The following STXBP5L variants were observed in gnomAD, a reference collection of about 807,000 sequenced individuals.
STXBP5L encodes syntaxin-binding protein 5-like.
Under a neutral mutation model 144.5 loss-of-function variants are expected in STXBP5L, and 65 were observed. The ratio of observed to expected loss-of-function variants is 0.45; its 90% confidence interval spans 0.37 to 0.55. The LOEUF (loss-of-function observed/expected upper bound fraction) is 0.55. Ranked by LOEUF, STXBP5L falls within the 20% of genes least tolerant of loss-of-function variation. The probability of loss-of-function intolerance (pLI) is 0.00; values close to 1 mark genes in which losing one functional copy is unlikely to be tolerated. For missense variants in STXBP5L, 1,298 were observed against 1,405.5 expected (o/e 0.92, Z 1.22); for synonymous variants, 505 against 469.6 (o/e 1.08, Z -0.97).
Position 121,121,643 on chromosome 3 carries a change from C to A in STXBP5L, c.608C>A (p.Ser203Tyr). The A allele has an allele frequency of 6.3e-7, 1 of 1,593,792 alleles. No individual in the cohort carries two copies. The highest frequency in any genetic ancestry group is 1.1e-5 in the South Asian group (1 of 88,572). The change falls in exon 7 of 27, where the codon TCC becomes TAC. Residue 203 changes from serine (S) to tyrosine (Y), a missense_variant and splice_region_variant. Coordinates refer to ENST00000471454, the MANE Select transcript of STXBP5L (RefSeq NM_001308330.2). ...ACTGTTTTGAATTGATTTAACAGAT[C>A]CACTAAGACTCATCCAGGTCCAGTT... ...VIMWNKAIEL[S>Y]TKTHPGPVVH...
chr3:121,353,921 G>C (rs184371056), intron 20 of STXBP5L, among the ~76,000 whole-genome samples: 5 of 152,132 alleles, frequency 3.3e-5, no homozygotes, highest in African/African-American at 9.7e-5. Flanking sequence ...CTTTATTTCT[G>C]CCTTCAATTC....
intron 10 of STXBP5L, among the ~76,000 whole-genome samples, chr3:121,216,796 G>T (rs754976396): frequency 2.6e-5 from 4 of 152,090 alleles, no homozygotes; most frequent in Non-Finnish European, 5.9e-5. Context: ...CCACCCCTCC[G>T]CCAGGTGCTC....
intron 20 of STXBP5L, among the ~76,000 whole-genome samples, chr3:121,363,883 T>C (rs951096087): frequency 1.3e-5 from 2 of 152,148 alleles, no homozygotes; most frequent in African/African-American, 4.8e-5. Flanking sequence ...TTGAGTAGTT[T>C]ATTTTGTTAT....
chr3:121,140,614 G>A (rs2045456561), intron 7 of STXBP5L, among the ~76,000 whole-genome samples: 1 of 152,078 alleles, frequency 6.6e-6, no homozygotes. Context: ...GAGGACCTAC[G>A]TTAAGGGAAA....
rs1404465501 is a variant in STXBP5L at position 121,339,394 on chromosome 3, G to T, written c.2176+20854G>T. ...CTTTTATAAAACCCTCAACAAATTA[G>T]ATATAGAAGGAACATATCTCAAAAT... On this transcript the variant is annotated intron_variant, in intron 20 of 26. Transcript: ENST00000471454. 5.3e-5 allele frequency among the ~76,000 whole-genome samples: 8 copies of T among 152,168 alleles called. No individual in the cohort carries two copies. The East Asian group carries it at 1.5e-3, about 29-fold the overall frequency.
chr3:121,191,434 C>T (rs1349635054), intron 9 of STXBP5L, among the ~76,000 whole-genome samples: 4 of 152,152 alleles, frequency 2.6e-5, no homozygotes, highest in Non-Finnish European at 4.4e-5. Context: ...AGGCATTCGG[C>T]AGGCTGAGGC....
At chr3:121,035,527 G>A (rs888111943) in intron 3 of STXBP5L, among the ~76,000 whole-genome samples, 5 of 151,780 alleles carry the variant, frequency 3.3e-5, no homozygotes, top group Non-Finnish European at 7.4e-5. Flanking sequence ...GTAGATATGT[G>A]GCTTTATTTC....
At chr3:121,046,062 G>T (rs1362213598) in intron 5 of STXBP5L, among the ~76,000 whole-genome samples, 3 of 152,016 alleles carry the variant, frequency 2.0e-5, no homozygotes, top group Non-Finnish European at 4.4e-5. Flanking sequence ...TTGTTGAGGG[G>T]TTTTAACATG....
intron 9 of STXBP5L, among the ~76,000 whole-genome samples, chr3:121,173,344 AATAATAATG>A (rs1352689656): frequency 7.1e-6 from 1 of 141,226 alleles, no homozygotes. Context: ...TAATAATAAT[AATAATAATG>A]ATAATAGAAT....
chr3:121,093,076 A>G (rs1270105427), intron 5 of STXBP5L, among the ~76,000 whole-genome samples: 1 of 152,210 alleles, frequency 6.6e-6, no homozygotes, highest in African/African-American at 2.4e-5. Context: ...GATTACATTT[A>G]TTGATTTGCA....
chr3:121,285,169 T>C (rs1404701232), intron 19 of STXBP5L, among the ~76,000 whole-genome samples: 2 of 152,112 alleles, frequency 1.3e-5, no homozygotes, highest in South Asian at 2.1e-4. Context: ...TATTCTACTC[T>C]GCTAGTCAGT....
At chr3:121,006,979 A>C (rs1028267893) in intron 3 of STXBP5L, among the ~76,000 whole-genome samples, 2 of 152,110 alleles carry the variant, frequency 1.3e-5, no homozygotes, top group Non-Finnish European at 2.9e-5. Flanking sequence ...GGCTACCCTT[A>C]ACATTTTTTC....
intron 24 of STXBP5L, 49 bp from the exon 25 acceptor site, chr3:121,415,808 A>T: frequency 1.5e-6 from 2 of 1,299,804 alleles, no homozygotes; most frequent in Admixed American, 1.9e-5. Flanking sequence ...TTTGTATATT[A>T]ATTGATTTTT....
chr3:121,205,727 A>C lies in STXBP5L; in HGVS notation c.878-196A>C, dbSNP rs183294575. ...TAATTTTATGAATTATATAGCAGAC[A>C]ATTATTGCAACTCTAAAGATTGTTT... On this transcript the variant is annotated intron_variant, in intron 9 of 26. Transcript: ENST00000471454. Among the ~76,000 whole-genome samples, 5 of 152,320 alleles carry C rather than the reference A, an allele frequency of 3.3e-5. No homozygotes were observed. The East Asian group carries it at 9.6e-4, about 29-fold the overall frequency.
chr3:121,051,359 A>G (rs1001312835), intron 5 of STXBP5L, among the ~76,000 whole-genome samples: 41 of 152,208 alleles, frequency 2.7e-4, no homozygotes, highest in Non-Finnish European at 4.3e-4. Context: ...CAGCAAATGT[A>G]AAAGAACAGA....
intron 12 of STXBP5L, among the ~76,000 whole-genome samples, chr3:121,235,043 A>G (rs561403635): frequency 2.6e-5 from 4 of 151,862 alleles, no homozygotes; most frequent in Non-Finnish European, 5.9e-5. Context: ...TAGACTATGT[A>G]TAACATAAAA....
intron 20 of STXBP5L, among the ~76,000 whole-genome samples, chr3:121,350,391 A>G (rs1180739036): frequency 2.0e-5 from 3 of 151,830 alleles, no homozygotes; most frequent in Non-Finnish European, 2.9e-5. Context: ...TGCCCTTAAC[A>G]TTTTTTCCTT....
Position 121,394,629 on chromosome 3 carries a change from G to C in STXBP5L, c.2588-12614G>C, listed in dbSNP as rs1342249372. Among the ~76,000 whole-genome samples, 3 of 112,166 alleles carry C rather than the reference G, an allele frequency of 2.7e-5. No individual in the cohort carries two copies. In the East Asian group the frequency reaches 9.1e-4, roughly 34 times the overall value. The allele number at this position is 112,166 out of a possible 152,430, so 73.6% of individuals were successfully genotyped here. A position where few individuals can be genotyped will look rare whatever the true frequency, so the allele number is the denominator to read the frequency against. On this transcript the variant is annotated intron_variant, in intron 22 of 26. Transcript: ENST00000471454. ...TTTTTTTTTTTTTTTTTTTGAGACA[G>C]TGTCTCACTCTGTCGCCCAGGCTGG...
chr3:121,118,447 G>A (rs570083139), intron 6 of STXBP5L, among the ~76,000 whole-genome samples: 9 of 151,792 alleles, frequency 5.9e-5, no homozygotes, highest in African/African-American at 1.4e-4. Flanking sequence ...GAAATTTTAA[G>A]TACTGCAGTT....
Sources: gnomAD v4.1 joint callset for allele counts (sites outside exome capture counted in the v4.1 genomes callset) on GRCh38, gnomAD v4.1.1 for gene constraint, MANE v1.5 for transcripts, NCBI Gene and HGNC (gene_info 2026-07-23, HGNC 2026-07-21) for gene names.